ASAP1: variants seen among roughly 807,000 people sequenced by gnomAD.
ASAP1 encodes arf-GAP with SH3 domain, ANK repeat and PH domain-containing protein 1.
In ASAP1, 43 loss-of-function variants were observed where a neutral mutation model predicts 145.2. That is an observed-to-expected ratio of 0.30 (90% CI 0.23 to 0.38). The LOEUF is 0.38. Among genes scored for constraint, ASAP1 ranks in the 10% least tolerant of loss-of-function variants. ASAP1 has a pLI of 1.00. For synonymous variants in ASAP1, 546 were observed against 515.5 expected (o/e 1.06, Z -0.80); for missense variants, 1,018 against 1,355.3 (o/e 0.75, Z 3.91).
At chr8:130,301,861 T>A (rs992953228) in intron 3 of ASAP1, among the ~76,000 whole-genome samples, 27 of 152,190 alleles carry the variant, frequency 1.8e-4, no homozygotes, top group African/African-American at 6.3e-4. Context: ...GGATGTCTCA[T>A]TCTTTCTGCA....
At chr8:130,331,691 G>A (rs1204406023) in intron 3 of ASAP1, among the ~76,000 whole-genome samples, 1 of 152,050 alleles carries the variant, frequency 6.6e-6, no homozygotes, top group Admixed American at 6.6e-5. Flanking sequence ...TAGTCAAGAG[G>A]TGCCAAGCCC....
chr8:130,233,523 T>C (rs1268688695), intron 4 of ASAP1, among the ~76,000 whole-genome samples: 1 of 152,194 alleles, frequency 6.6e-6, no homozygotes, highest in African/African-American at 2.4e-5. Context: ...ACAATGGTAC[T>C]TACCTTATTG....
At chr8:130,282,825 T>C (rs1333845302) in intron 3 of ASAP1, among the ~76,000 whole-genome samples, 1 of 152,178 alleles carries the variant, frequency 6.6e-6, no homozygotes, top group African/African-American at 2.4e-5. Context: ...AAATAGTTAC[T>C]GGGGTCAGGA....
chr8:130,065,777 T>C (rs1318757531), intron 27 of ASAP1, among the ~76,000 whole-genome samples: 1 of 152,220 alleles, frequency 6.6e-6, no homozygotes, highest in East Asian at 1.9e-4. Flanking sequence ...TAGGGATGAA[T>C]TTAAAGAAAT....
chr8:130,187,151 T>G, intron 7 of ASAP1, 85 bp downstream of exon 7: 1 of 1,209,886 alleles, frequency 8.3e-7, no homozygotes, highest in Non-Finnish European at 1.2e-6. Flanking sequence ...TCTGTCCTTT[T>G]TCCAGTTAAG....
chr8:130,205,054 A>G (rs1303786003), intron 5 of ASAP1, among the ~76,000 whole-genome samples: 1 of 152,238 alleles, frequency 6.6e-6, no homozygotes, highest in East Asian at 1.9e-4. Context: ...GCAAAATGTT[A>G]GAGACAGCAT....
chr8:130,359,294 A>T (rs896514815), intron 2 of ASAP1, among the ~76,000 whole-genome samples: 5 of 152,180 alleles, frequency 3.3e-5, no homozygotes, highest in Non-Finnish European at 5.9e-5. Context: ...TTCGATGCTA[A>T]GCAGATGCCA....
intron 5 of ASAP1, among the ~76,000 whole-genome samples, chr8:130,192,369 G>C (rs1323216252): frequency 6.6e-6 from 1 of 152,048 alleles, no homozygotes; most frequent in Non-Finnish European, 1.5e-5. Context: ...GGCTCTTGGG[G>C]AAAAGGAGGA....
At chr8:130,093,195 G>A (rs957760929) in intron 24 of ASAP1, among the ~76,000 whole-genome samples, 3 of 152,120 alleles carry the variant, frequency 2.0e-5, no homozygotes, top group South Asian at 2.1e-4. Context: ...AATGGGGTTC[G>A]TTTTTAAAAG....
intron 2 of ASAP1, among the ~76,000 whole-genome samples, chr8:130,376,885 A>G (rs1827524279): frequency 6.8e-6 from 1 of 146,162 alleles, no homozygotes; most frequent in Non-Finnish European, 1.5e-5. Flanking sequence ...CCTCAGCAAC[A>G]AGAGCAAAAC....
intron 3 of ASAP1, among the ~76,000 whole-genome samples, chr8:130,276,722 A>ACTCTCTCTCT (rs1820912328): frequency 1.9e-4 from 21 of 110,716 alleles, no homozygotes; most frequent in African/African-American, 5.7e-4. Flanking sequence ...ACACACACAC[A>ACTCTCTCTCT]CACACACTCT....
intron 9 of ASAP1, among the ~76,000 whole-genome samples, chr8:130,178,215 T>C (rs1032120148): frequency 6.6e-6 from 1 of 152,250 alleles, no homozygotes; most frequent in African/African-American, 2.4e-5. Context: ...ATTATTTTGC[T>C]TATGAGAGCT....
intron 1 of ASAP1, among the ~76,000 whole-genome samples, chr8:130,431,165 C>A (rs546932007): frequency 6.6e-6 from 1 of 152,284 alleles, no homozygotes; most frequent in Admixed American, 6.5e-5. Flanking sequence ...GCCAGCCAAT[C>A]CTACTGCCTC....
At chr8:130,432,088 G>T (rs377065744) in intron 1 of ASAP1, among the ~76,000 whole-genome samples, 262 of 108,900 alleles carry the variant, frequency 2.4e-3, no homozygotes, top group African/African-American at 8.8e-3. Flanking sequence ...GAGGGGGAAG[G>T]GGGAGGAAAG....
intron 28 of ASAP1, among the ~76,000 whole-genome samples, chr8:130,059,914 C>T (rs117288804): frequency 0.017 from 2,602 of 151,308 alleles, 25 homozygotes; most frequent in Non-Finnish European, 0.024. Context: ...CCCATCTCTA[C>T]CAAAAATATT....
chr8:130,298,687 T>C (rs1822439284), intron 3 of ASAP1, among the ~76,000 whole-genome samples: 1 of 152,184 alleles, frequency 6.6e-6, no homozygotes, highest in Non-Finnish European at 1.5e-5. Flanking sequence ...AGCTATAACA[T>C]ACATCTTTTA....
rs200115609 is a variant in ASAP1, at chr8:130,066,599, C to T, written c.2702-5530G>A. On this transcript the variant is annotated intron_variant, in intron 27 of 29. Transcript: ENST00000518721. Reference sequence around the variant, plus strand: ...TTTCTTTCTTTCTTCTCTCTCTCTCCTTCCTTCCTTGTTTCTTTTTCTTTC... The same window carrying T: ...TTTCTTTCTTTCTTCTCTCTCTCTCTTTCCTTCCTTGTTTCTTTTTCTTTC... Among the ~76,000 whole-genome samples, 26 of 150,612 alleles carry T rather than the reference C, an allele frequency of 1.7e-4. 1 individual carries two copies. The East Asian group carries it at 4.7e-3, about 27-fold the overall frequency.
chr8:130,290,371 A>G (rs1353334974), intron 3 of ASAP1, among the ~76,000 whole-genome samples: 1 of 152,198 alleles, frequency 6.6e-6, no homozygotes, highest in Non-Finnish European at 1.5e-5. Context: ...CCTCACATGA[A>G]ATGTTCAGAA....
chr8:130,441,956 G>C (rs1830501957), intron 1 of ASAP1, among the ~76,000 whole-genome samples: 1 of 152,090 alleles, frequency 6.6e-6, no homozygotes, highest in South Asian at 2.1e-4. Context: ...TTTGGACCTG[G>C]GAGTTTCTAT....
Sources: gnomAD v4.1 joint callset for allele counts (sites outside exome capture counted in the v4.1 genomes callset) on GRCh38, gnomAD v4.1.1 for gene constraint, MANE v1.5 for transcripts, NCBI Gene and HGNC (gene_info 2026-07-23, HGNC 2026-07-21) for gene names.